THAP9: variants seen among roughly 807,000 people sequenced by gnomAD.
The protein encoded by THAP9 is THAP domain containing 9.
Under a neutral mutation model 35.7 loss-of-function variants are expected in THAP9, and 20 were observed. The observed-to-expected ratio is 0.56, with a 90% CI of 0.39 to 0.81. The LOEUF is 0.81. Among genes scored for constraint, THAP9 ranks in the 40% least tolerant of loss-of-function variants. The probability of loss-of-function intolerance (pLI) is 0.00; values close to 1 mark genes in which losing one functional copy is unlikely to be tolerated. For missense variants in THAP9, 870 were observed against 1,047.4 expected, an observed-to-expected ratio of 0.83 and a Z score of 2.34; for synonymous variants, 335 against 373.7, an observed-to-expected ratio of 0.90 and a Z score of 1.19.
chr4:82,907,288 A>G (rs1198151330), intron 3 of THAP9, among the ~76,000 whole-genome samples: 1 of 152,142 alleles, frequency 6.6e-6, no homozygotes, highest in African/African-American at 2.4e-5. Context: ...AAGGAGATGA[A>G]TATTTTATGT....
At chr4:82,905,851 C>T in intron 2 of THAP9, 1 of 455,822 alleles carries the variant, frequency 2.2e-6, no homozygotes, top group Non-Finnish European at 4.4e-6. Context: ...TTATTATCCA[C>T]ATTTTACAGA....
In THAP9 at chr4:82,900,862, G is replaced by A; in HGVS notation, c.60G>A (p.Glu20=). 1.2e-6 allele frequency: 2 copies of A among 1,613,488 alleles called. No homozygotes were observed. The highest frequency in any genetic ancestry group is 1.7e-6 in the Non-Finnish European group (2 of 1,180,022). The change falls in exon 1 of 5, where the codon GAG becomes GAA. Residue 20 remains glutamate, a synonymous_variant. Transcript: ENST00000302236. ...CCCGTGACACCGTGCTCAGCCGGGA[G>A]CGCGGCCTCTCCTTCCACCAGTGCG... ...CSTRDTVLSR[E]RGLSFHQFPT...
intron 1 of THAP9, 146 bp downstream of exon 1, chr4:82,901,028 C>CGGAATTGGGGCACTGTGAGA (rs1362706692): frequency 5.3e-6 from 5 of 949,706 alleles, no homozygotes; most frequent in Non-Finnish European, 8.3e-6. Context: ...GGCGTGGGAG[C>CGGAATTGGGGCACTGTGAGA]GGAATTGGGG....
rs771560590 is a variant in THAP9, at chr4:82,910,701, G to A, written c.731+2766G>A. On this transcript the variant is annotated intron_variant, in intron 4 of 4. Transcript: ENST00000302236. ...CAATAAATATTTATTGATCAGGAGC[G>A]GCCAGTGAGGCAGGAGGAAAACCAG... 3.7e-5 allele frequency: 22 copies of A among 602,640 alleles called. 1 individual carries two copies. Among genetic ancestry groups the A allele is most frequent in the Middle Eastern group, 3.2e-4 (1 of 3,128 alleles). The allele number at this position is 602,640 out of a possible 1,614,324, so 37.3% of individuals were successfully genotyped here. A position where few individuals can be genotyped will look rare whatever the true frequency, so the allele number is the denominator to read the frequency against.
chr4:82,906,020 C>T (rs1720633199), intron 2 of THAP9: 2 of 459,926 alleles, frequency 4.3e-6, no homozygotes, highest in Admixed American at 4.9e-5. Context: ...TGTTATTGTA[C>T]CTTCTAAGAA....
In THAP9 at chr4:82,918,927, G is replaced by T; in HGVS notation, c.*3G>T. ...ACGATGGATATCCATTCAAATGAGAGACCTAAAATATATTAACATTTTAAT... is the reference window on the plus strand; with the variant it reads ...ACGATGGATATCCATTCAAATGAGATACCTAAAATATATTAACATTTTAAT... On this transcript the variant is annotated 3_prime_UTR_variant, in exon 5 of 5. Transcript: ENST00000302236. 4 of 1,550,672 alleles carry T rather than the reference G, an allele frequency of 2.6e-6. No individual in the cohort carries two copies. Among genetic ancestry groups the T allele is most frequent in the Admixed American group, 2.1e-5 (1 of 48,370 alleles).
Position 82,918,403 on chromosome 4 carries a change from A to G in THAP9, c.2191A>G (p.Thr731Ala). The G allele has an allele frequency of 6.2e-7, 1 of 1,614,146 alleles. No homozygotes were observed. The highest frequency in any genetic ancestry group is 8.5e-7 in the Non-Finnish European group (1 of 1,179,982). Residue 731 changes from threonine (T) to alanine (A), a missense_variant, in exon 5 of 5, where the codon ACT becomes GCT. By Grantham distance (58) the Thr-to-Ala change is moderately conservative. Around this residue, in one of 3 missense-constraint regions of THAP9, gnomAD observed 414 missense variants for 500.8 expected, o/e 0.83. Coordinates refer to ENST00000302236, the MANE Select transcript of THAP9 (RefSeq NM_024672.6). ...YVANKLSALLTCEDCITALYA... is the reference protein window; with the variant it reads ...YVANKLSALLACEDCITALYA... ...TGCAAACAAGTTATCAGCTCTTTTAACTTGTGAGGACTGCATCACTGCACT... is the reference window on the plus strand; with the variant it reads ...TGCAAACAAGTTATCAGCTCTTTTAGCTTGTGAGGACTGCATCACTGCACT...
Position 82,917,003 on chromosome 4 carries a change from A to G in THAP9, c.791A>G (p.Gln264Arg). 2 of 1,562,736 alleles carry G rather than the reference A, an allele frequency of 1.3e-6. No homozygotes were observed. The highest frequency in any genetic ancestry group is 1.7e-6 in the Non-Finnish European group (2 of 1,157,832). The change falls in exon 5 of 5, where the codon CAA becomes CGA. Residue 264 changes from glutamine (Q) to arginine (R), a missense_variant. By Grantham distance (43) the Gln-to-Arg change is conservative. Around this residue, in one of 3 missense-constraint regions of THAP9, gnomAD observed 440 missense variants for 501.2 expected, o/e 0.88. Coordinates refer to ENST00000302236, the MANE Select transcript of THAP9 (RefSeq NM_024672.6). Reference sequence around the variant, plus strand: ...AACAGCAACATTTTTTCTTTTCTTCAACGAAGAGTAGAGAATGGAGATCAG... The same window carrying G: ...AACAGCAACATTTTTTCTTTTCTTCGACGAAGAGTAGAGAATGGAGATCAG... ...GFNSNIFSFLQRRVENGDQLY... is the reference protein window; with the variant it reads ...GFNSNIFSFLRRRVENGDQLY...
At chr4:82,909,172 T>C (rs1487015820) in intron 4 of THAP9, among the ~76,000 whole-genome samples, 1 of 152,166 alleles carries the variant, frequency 6.6e-6, no homozygotes, top group Non-Finnish European at 1.5e-5. Flanking sequence ...CCCAAAGTGC[T>C]GGGATTACAG....
At chr4:82,906,088 A>G (rs1340894480) in intron 2 of THAP9, among the ~76,000 whole-genome samples, 2 of 151,878 alleles carry the variant, frequency 1.3e-5, no homozygotes, top group South Asian at 4.2e-4. Flanking sequence ...TTCTCTAGTT[A>G]CTTTATTTCA....
rs752261918 is a variant in THAP9 at position 82,918,055 on chromosome 4, T to C, written c.1843T>C (p.Phe615Leu). The stretch of plus-strand genomic sequence containing the variant: ...ATTCAGTCATGATCATCTGGAATTA[T>C]TTCTAAAGATGCTTAGGCAGGTATT... ...YKFSHDHLEL[F>L]LKMLRQVLVT... is the part of the protein sequence containing the mutation. Residue 615 changes from phenylalanine (F) to leucine (L), a missense_variant, in exon 5 of 5, where the codon TTT becomes CTT. Coordinates refer to ENST00000302236, the MANE Select transcript of THAP9 (RefSeq NM_024672.6). 3 of 1,613,996 alleles carry C rather than the reference T, an allele frequency of 1.9e-6. No homozygotes were observed. In the South Asian group the frequency reaches 3.3e-5, roughly 18 times the overall value.
chr4:82,918,373 T>A lies in THAP9; in HGVS notation c.2161T>A (p.Tyr721Asn). 2 of 1,614,208 alleles carry A rather than the reference T, an allele frequency of 1.2e-6. No homozygotes were observed. The highest frequency in any genetic ancestry group is 1.7e-6 in the Non-Finnish European group (2 of 1,179,996). Residue 721 changes from tyrosine (Y) to asparagine (N), a missense_variant, in exon 5 of 5, where the codon TAT becomes AAT. Physicochemically the swap from Tyr to Asn is moderately radical, Grantham distance 143 (BLOSUM62 -2). Coordinates refer to ENST00000302236, the MANE Select transcript of THAP9 (RefSeq NM_024672.6). ...GCGAAATCTCATCTGTTATGCTGGTTATGTTGCAAACAAGTTATCAGCTCT... is the reference window on the plus strand; with the variant it reads ...GCGAAATCTCATCTGTTATGCTGGTAATGTTGCAAACAAGTTATCAGCTCT... ...HRRNLICYAG[Y>N]VANKLSALLT...
chr4:82,912,507 C>T (rs1720897910), intron 4 of THAP9, among the ~76,000 whole-genome samples: 1 of 152,154 alleles, frequency 6.6e-6, no homozygotes, highest in Non-Finnish European at 1.5e-5. Flanking sequence ...ATAATCATTC[C>T]ATAACTAAGT....
chr4:82,905,781 A>G (rs1720620805), intron 2 of THAP9: 7 of 439,448 alleles, frequency 1.6e-5, no homozygotes, highest in South Asian at 1.1e-4. Flanking sequence ...ACAATGGTCC[A>G]GGCATTGTAC....
rs552721022 is a variant in THAP9 at position 82,901,123 on chromosome 4, A to G, written c.80+241A>G. 167 of 691,484 alleles carry G rather than the reference A, an allele frequency of 2.4e-4. No individual in the cohort carries two copies. The African/African-American group carries it at 2.7e-3, about 11-fold the overall frequency. 42.8% of individuals were successfully genotyped at this position (691,484 alleles called of 1,614,324 possible). On this transcript the variant is annotated intron_variant, in intron 1 of 4. Transcript: ENST00000302236. Reference sequence around the variant, plus strand: ...TCTCGCACCGCCTACCGCTTTAAGGAGAGTTACGCGAAAGGAGTCCTCCAT... The same window carrying G: ...TCTCGCACCGCCTACCGCTTTAAGGGGAGTTACGCGAAAGGAGTCCTCCAT...
At position 82,901,042 on chromosome 4, in the gene THAP9, T is replaced by C. The variant is rs746919211; in HGVS notation, c.80+160T>C. On this transcript the variant is annotated intron_variant, in intron 1 of 4. Coordinates refer to ENST00000302236, the MANE Select transcript of THAP9 (RefSeq NM_024672.6). Reference sequence around the variant, plus strand: ...GGGCGTGGGAGCGGAATTGGGGCACTGTGAGAATTGAGATTCTCTCTCTTC... The same window carrying C: ...GGGCGTGGGAGCGGAATTGGGGCACCGTGAGAATTGAGATTCTCTCTCTTC... 2.7e-4 allele frequency: 233 copies of C among 850,786 alleles called. 2 individuals are homozygous for C. Among genetic ancestry groups the C allele is most frequent in the South Asian group, 3.3e-4 (23 of 69,894 alleles). The allele number at this position is 850,786 out of a possible 1,614,324, so 52.7% of individuals were successfully genotyped here.
intron 1 of THAP9, 87 bp downstream of exon 1, chr4:82,900,969 C>G (rs1720320284): frequency 6.7e-7 from 1 of 1,483,604 alleles, no homozygotes; most frequent in Admixed American, 1.9e-5. Context: ...CCGGGCCGCA[C>G]TGTGGGTCGC....
At chr4:82,913,061 G>A (rs1720919585) in intron 4 of THAP9, among the ~76,000 whole-genome samples, 1 of 151,944 alleles carries the variant, frequency 6.6e-6, no homozygotes, top group Non-Finnish European at 1.5e-5. Context: ...TTTTTAAAAA[G>A]AATGTGTCTT....
chr4:82,904,944 A>C lies in THAP9; in HGVS notation c.276+13A>C. The C allele has an allele frequency of 1.2e-6, 2 of 1,611,082 alleles. No homozygotes were observed. The highest frequency in any genetic ancestry group is 1.7e-6 in the Non-Finnish European group (2 of 1,178,540). ...TTCTCTATACAAGGTATTTAAATGT[A>C]GGTGTAAGTCAACAAAATGAAAATT... is the stretch of plus-strand genomic sequence containing the variant. On this transcript the variant is annotated intron_variant, in intron 2 of 4. Transcript: ENST00000302236.
Sources: gnomAD v4.1 joint callset for allele counts (sites outside exome capture counted in the v4.1 genomes callset) on GRCh38, gnomAD v4.1.1 for gene constraint, gnomAD v4.1.1 regional missense constraint, MANE v1.5 for transcripts, NCBI Gene and HGNC (gene_info 2026-07-23, HGNC 2026-07-21) for gene names.